Variants in IL1RAPL1 observed in about 807,000 individuals in gnomAD.
IL1RAPL1 encodes the protein interleukin 1 receptor accessory protein like 1.
Under a neutral mutation model 48.4 loss-of-function variants are expected in IL1RAPL1, and 3 were observed. That is an observed-to-expected ratio of 0.06 (90% CI 0.03 to 0.16). IL1RAPL1 has a LOEUF of 0.16. Ranked by LOEUF, IL1RAPL1 falls within the 10% of genes least tolerant of loss-of-function variation. IL1RAPL1 has a pLI of 1.00. For synonymous variants in IL1RAPL1, 185 were observed against 187.7 expected, an observed-to-expected ratio of 0.99 and a Z score of 0.12; for missense variants, 349 against 530.6, an observed-to-expected ratio of 0.66 and a Z score of 3.36.
chrX:29,766,302 T>C (rs1351706386), intron 6 of IL1RAPL1, among the ~76,000 whole-genome samples: 2 of 84,044 alleles, frequency 2.4e-5, no homozygotes, highest in African/African-American at 9.9e-5. Flanking sequence ...CACTCCAGCC[T>C]GGGAGACAGA....
At chrX:28,940,010 A>G (rs922627095) in intron 2 of IL1RAPL1, among the ~76,000 whole-genome samples, 3 of 111,787 alleles carry the variant, frequency 2.7e-5, no homozygotes, top group African/African-American at 9.7e-5. Context: ...TTTCACTTCA[A>G]AGCAGGTGCA....
At chrX:29,697,870 T>TTGCTCCCTTC (rs1926954571) in intron 6 of IL1RAPL1, among the ~76,000 whole-genome samples, 1 of 111,929 alleles carries the variant, frequency 8.9e-6, no homozygotes, top group South Asian at 3.7e-4. Flanking sequence ...ACATCTACAC[T>TTGCTCCCTTC]TGCTCCCTTC....
rs1047265442 is a variant in IL1RAPL1, at chrX:28,701,908, G to A, written c.-24-87412G>A. 3.6e-5 allele frequency among the ~76,000 whole-genome samples: 4 copies of A among 111,623 alleles called. No homozygotes were observed. In the East Asian group the frequency reaches 1.1e-3, roughly 31 times the overall value. ...AAAATGAAGGCATAATTTACAACAT[G>A]TATTATACATCAAATACCTTTAGGT... On this transcript the variant is annotated intron_variant, in intron 1 of 10. Transcript: ENST00000378993.
chrX:29,732,931 A>C (rs1569156207), intron 6 of IL1RAPL1, among the ~76,000 whole-genome samples: 1 of 111,601 alleles, frequency 9.0e-6, no homozygotes, highest in East Asian at 2.8e-4. Flanking sequence ...ATATTTTTAC[A>C]AGCTGAACTG....
intron 1 of IL1RAPL1, among the ~76,000 whole-genome samples, chrX:28,674,303 C>G (rs1421828148): frequency 2.7e-5 from 3 of 110,131 alleles, no homozygotes; most frequent in Non-Finnish European, 5.7e-5. Context: ...GACCAAGGTA[C>G]TTCCTTCTCA....
chrX:28,819,985 T>TATAC lies in IL1RAPL1; in HGVS notation c.82+30563_82+30564insCATA, dbSNP rs1555926888. ...ACATAGTGATATATATATATATATA[T>TATAC]ATATATATATATATATATATATATA... On this transcript the variant is annotated intron_variant, in intron 2 of 10. Transcript: ENST00000378993. Among the ~76,000 whole-genome samples, 141 of 75,869 alleles carry TATAC rather than the reference T, an allele frequency of 1.9e-3. 6 individuals are homozygous for TATAC. In the East Asian group the frequency reaches 0.037, roughly 20 times the overall value. 65.9% of individuals were successfully genotyped at this position (75,869 alleles called of 115,157 possible). A position where few individuals can be genotyped will look rare whatever the true frequency, so the allele number is the denominator to read the frequency against.
chrX:29,943,444 G>A (rs1302729972), intron 9 of IL1RAPL1, among the ~76,000 whole-genome samples: 1 of 111,797 alleles, frequency 8.9e-6, no homozygotes. Flanking sequence ...TACTCAAGAA[G>A]ATAACACAAA....
At chrX:28,947,294 C>T (rs1359535543) in intron 2 of IL1RAPL1, among the ~76,000 whole-genome samples, 1 of 111,595 alleles carries the variant, frequency 9.0e-6, no homozygotes, top group Non-Finnish European at 1.9e-5. Flanking sequence ...TTTCATCATT[C>T]TGAAGTTTAA....
chrX:28,899,349 G>T (rs771599030), intron 2 of IL1RAPL1, among the ~76,000 whole-genome samples: 1 of 111,518 alleles, frequency 9.0e-6, no homozygotes, highest in Admixed American at 9.5e-5. Context: ...GTAGAGACAG[G>T]GTTTCACCAT....
chrX:29,601,013 C>G (rs1923702940), intron 5 of IL1RAPL1, among the ~76,000 whole-genome samples: 1 of 111,225 alleles, frequency 9.0e-6, no homozygotes, highest in Non-Finnish European at 1.9e-5. Flanking sequence ...ACTGAAAAAG[C>G]AAGCAGACTC....
intron 5 of IL1RAPL1, among the ~76,000 whole-genome samples, chrX:29,510,760 G>A (rs1281849562): frequency 3.6e-5 from 4 of 111,469 alleles, no homozygotes; most frequent in South Asian, 3.8e-4. Context: ...CTAGTCATAC[G>A]GGGCCTTTCA....
At chrX:28,605,428 C>T (rs1219051381) in intron 1 of IL1RAPL1, among the ~76,000 whole-genome samples, 1 of 111,750 alleles carries the variant, frequency 8.9e-6, no homozygotes, top group Non-Finnish European at 1.9e-5. Context: ...CTCTCCCTCT[C>T]TCACAAACCA....
intron 5 of IL1RAPL1, among the ~76,000 whole-genome samples, chrX:29,561,186 C>T (rs1922182714): frequency 8.9e-6 from 1 of 112,338 alleles, no homozygotes; most frequent in Non-Finnish European, 1.9e-5. Flanking sequence ...TTTGTTTTTC[C>T]TAGGGCATTG....
chrX:29,259,309 A>T (rs1205920012), intron 2 of IL1RAPL1, among the ~76,000 whole-genome samples: 1 of 111,926 alleles, frequency 8.9e-6, no homozygotes, highest in Non-Finnish European at 1.9e-5. Flanking sequence ...AGTGAAAAAA[A>T]GTTGGTTTGA....
intron 3 of IL1RAPL1, among the ~76,000 whole-genome samples, chrX:29,305,761 G>A (rs1222641486): frequency 9.0e-6 from 1 of 111,356 alleles, no homozygotes; most frequent in African/African-American, 3.3e-5. Context: ...GAAGAGAAGG[G>A]GATACTAAGG....
chrX:28,881,559 C>T (rs773203078), intron 2 of IL1RAPL1, among the ~76,000 whole-genome samples: 3 of 111,053 alleles, frequency 2.7e-5, no homozygotes, highest in Non-Finnish European at 5.7e-5. Flanking sequence ...TTTCTGTGTT[C>T]GTGTTGAAAT....
At chrX:28,589,773 G>T (rs1227846061) in intron 1 of IL1RAPL1, among the ~76,000 whole-genome samples, 1 of 111,839 alleles carries the variant, frequency 8.9e-6, no homozygotes, top group Admixed American at 9.5e-5. Flanking sequence ...CTTCCACAGC[G>T]TGTCAGAAAT....
intron 1 of IL1RAPL1, among the ~76,000 whole-genome samples, chrX:28,645,347 CAAAAA>C (rs35814453): frequency 6.9e-5 from 2 of 29,054 alleles, no homozygotes; most frequent in Non-Finnish European, 1.2e-4. Flanking sequence ...AATTCCGCCT[CAAAAA>C]AAAAAAAAAA....
intron 6 of IL1RAPL1, among the ~76,000 whole-genome samples, chrX:29,879,595 G>C (rs1387081975): frequency 9.1e-6 from 1 of 109,439 alleles, no homozygotes; most frequent in Non-Finnish European, 1.9e-5. Flanking sequence ...CTCAAGAAAC[G>C]TTATCATCTG....
Sources: gnomAD v4.1 joint callset for allele counts (sites outside exome capture counted in the v4.1 genomes callset) on GRCh38, gnomAD v4.1.1 for gene constraint, MANE v1.5 for transcripts, NCBI Gene and HGNC (gene_info 2026-07-23, HGNC 2026-07-21) for gene names.